GALK2: variants seen among roughly 807,000 people sequenced by gnomAD.
GALK2 encodes N-acetylgalactosamine kinase.
Under a neutral mutation model 52.4 loss-of-function variants are expected in GALK2, and 36 were observed. The observed-to-expected ratio is 0.69, with a 90% CI of 0.53 to 0.91. GALK2 has a LOEUF of 0.91. GALK2 is among the 40% of genes least tolerant of loss of function. The pLI, the probability that GALK2 is intolerant of heterozygous loss-of-function variation, is 0.00. For synonymous variants in GALK2, 176 were observed against 199.1 expected (o/e 0.88, Z 0.98); for missense variants, 579 against 559.1 (o/e 1.04, Z -0.36).
chr15:49,333,167 GAT>G (rs2039100327), downstream of GALK2, among the ~76,000 whole-genome samples: 2 of 152,174 alleles, frequency 1.3e-5, no homozygotes, highest in East Asian at 1.9e-4. Flanking sequence ...GTTTTATTGA[GAT>G]ATGTTACATA....
chr15:49,177,797 T>C, intron 1 of GALK2: 1 of 457,362 alleles, frequency 2.2e-6, no homozygotes, highest in Non-Finnish European at 3.9e-6. Context: ...CTGACAGCAT[T>C]ATGGAGTGGA....
At chr15:49,262,877 T>G (rs1194027128) in intron 5 of GALK2, among the ~76,000 whole-genome samples, 1 of 142,768 alleles carries the variant, frequency 7.0e-6, no homozygotes, top group Non-Finnish European at 1.5e-5. Context: ...AGTTGAGCAG[T>G]TTTGAGTGAG....
intron 3 of GALK2, chr15:49,225,199 A>T (rs2090057790): frequency 2.2e-6 from 1 of 455,680 alleles, no homozygotes; most frequent in African/African-American, 2.0e-5. Flanking sequence ...CTTTTTCTTT[A>T]ATTAGGTCTT....
At chr15:49,316,714 G>A (rs970278799) in intron 8 of GALK2, among the ~76,000 whole-genome samples, 1 of 152,172 alleles carries the variant, frequency 6.6e-6, no homozygotes, top group African/African-American at 2.4e-5. Flanking sequence ...AGTAATCATA[G>A]TTTAGGGGAG....
At chr15:49,222,030 C>T (rs1030349838) in intron 3 of GALK2, among the ~76,000 whole-genome samples, 1 of 152,130 alleles carries the variant, frequency 6.6e-6, no homozygotes, top group African/African-American at 2.4e-5. Context: ...TTTTTCCAAT[C>T]CATGAACATG....
At chr15:49,230,569 C>T (rs2090445299) in intron 3 of GALK2, among the ~76,000 whole-genome samples, 1 of 152,154 alleles carries the variant, frequency 6.6e-6, no homozygotes, top group Admixed American at 6.5e-5. Context: ...ATGGAGGAGG[C>T]AAGTACCAGA....
At chr15:49,322,329 C>T (rs563667579) in intron 9 of GALK2, among the ~76,000 whole-genome samples, 2 of 152,276 alleles carry the variant, frequency 1.3e-5, no homozygotes, top group South Asian at 4.1e-4. Flanking sequence ...TTATTTTCTA[C>T]TTATTCGATA....
At chr15:49,200,601 C>T (rs549831690) in intron 1 of GALK2, among the ~76,000 whole-genome samples, 2 of 152,164 alleles carry the variant, frequency 1.3e-5, no homozygotes, top group Non-Finnish European at 2.9e-5. Flanking sequence ...CAAGGATTGA[C>T]GGCTGCTACC....
intron 8 of GALK2, among the ~76,000 whole-genome samples, chr15:49,304,563 G>A (rs547698729): frequency 2.0e-5 from 3 of 152,288 alleles, no homozygotes; most frequent in African/African-American, 4.8e-5. Context: ...ATGCTCATTC[G>A]ATTGGCCAAA....
At chr15:49,280,874 G>A (rs1040671587) in intron 5 of GALK2, among the ~76,000 whole-genome samples, 2 of 152,020 alleles carry the variant, frequency 1.3e-5, no homozygotes, top group African/African-American at 4.8e-5. Context: ...GTCTTACTCT[G>A]TCACCAGGCT....
chr15:49,298,466 A>G (rs2034676649), intron 8 of GALK2, among the ~76,000 whole-genome samples: 1 of 151,780 alleles, frequency 6.6e-6, no homozygotes, highest in Non-Finnish European at 1.5e-5. Flanking sequence ...TGAATAGGTG[A>G]GAATGGGAAT....
At chr15:49,336,692 A>T (rs1309802080), downstream of GALK2, among the ~76,000 whole-genome samples, 1 of 152,132 alleles carries the variant, frequency 6.6e-6, no homozygotes, top group Non-Finnish European at 1.5e-5. Flanking sequence ...CTTGGTAAGT[A>T]CTTTCTAAAA....
chr15:49,225,155 G>A, intron 3 of GALK2: 1 of 453,788 alleles, frequency 2.2e-6, no homozygotes, highest in Non-Finnish European at 4.4e-6. Context: ...TGAGCTTTGA[G>A]GAAGCCGCCT....
intron 3 of GALK2, chr15:49,365,013 T>A (rs1306364471): frequency 2.1e-6 from 1 of 470,906 alleles, no homozygotes; most frequent in African/African-American, 2.0e-5. Context: ...AATATATATT[T>A]GCAAACATAT....
chr15:49,217,295 A>T lies in GALK2; in HGVS notation c.248A>T (p.Asn83Ile). Residue 83 changes from asparagine to isoleucine, a missense_variant, in exon 3 of 10, where the codon AAT becomes ATT. Physicochemically the swap from Asn to Ile is moderately radical, Grantham distance 149. Transcript: ENST00000560031. Reference protein sequence around the residue: ...PVKTYALQLANTNPLYPDFST... With the variant: ...PVKTYALQLAITNPLYPDFST... Reference sequence around the variant, plus strand: ...AAAACGTACGCTCTCCAACTGGCCAATACAAATCCCTTGTATCCGTGAGTA... The same window carrying T: ...AAAACGTACGCTCTCCAACTGGCCATTACAAATCCCTTGTATCCGTGAGTA... 6.2e-7 allele frequency: 1 copy of T among 1,613,942 alleles called. No homozygotes were observed. The highest frequency in any genetic ancestry group is 8.5e-7 in the Non-Finnish European group (1 of 1,179,846).
rs552466030 is a variant in GALK2 at position 49,358,289 on chromosome 15, G to A, written c.427-9202G>A. ...GGGTATTCAATTAGGAAAAGAGGAAGTCAAATTGTCCCTGTTTGCAGACGA... is the reference window on the plus strand; with the variant it reads ...GGGTATTCAATTAGGAAAAGAGGAAATCAAATTGTCCCTGTTTGCAGACGA... On this transcript the variant is annotated intron_variant, in intron 3 of 3. Transcript: ENST00000558399. Among the ~76,000 whole-genome samples the A allele has an allele frequency of 1.9e-3, 257 of 132,734 alleles. 7 individuals carry two copies. The highest frequency in any genetic ancestry group is 7.2e-3 in the African/African-American group (249 of 34,816). 87.1% of individuals were successfully genotyped at this position (132,734 alleles called of 152,430 possible).
At chr15:49,327,678 A>G (rs1460548694) in intron 9 of GALK2, 1 of 274,382 alleles carries the variant, frequency 3.6e-6, no homozygotes, top group African/African-American at 2.2e-5. Flanking sequence ...TCAATATTAC[A>G]GTGGGTTATT....
chr15:49,159,442 A>G (rs1276400680), intron 1 of GALK2, among the ~76,000 whole-genome samples: 2 of 152,026 alleles, frequency 1.3e-5, no homozygotes, highest in Admixed American at 6.6e-5. Context: ...TTATCCAGGC[A>G]TGGTGGCGGG....
At chr15:49,192,077 C>T (rs889049298) in intron 1 of GALK2, among the ~76,000 whole-genome samples, 5 of 151,878 alleles carry the variant, frequency 3.3e-5, no homozygotes, top group African/African-American at 9.7e-5. Context: ...TGTGTCATTG[C>T]GACATGTCAC....
Sources: gnomAD v4.1 joint callset for allele counts (sites outside exome capture counted in the v4.1 genomes callset) on GRCh38, gnomAD v4.1.1 for gene constraint, MANE v1.5 for transcripts, NCBI Gene and HGNC (gene_info 2026-07-23, HGNC 2026-07-21) for gene names.